Variants in PID1 observed in about 807,000 individuals in gnomAD.
PID1 encodes the protein phosphotyrosine interaction domain containing 1, also known as PTB-containing, cubilin and LRP1-interacting protein.
A neutral mutation model predicts 19.1 loss-of-function variants in PID1; 10 were observed. The ratio of observed to expected loss-of-function variants is 0.52; its 90% CI spans 0.32 to 0.89. PID1 has a LOEUF of 0.89. PID1 is among the 40% of genes least tolerant of loss of function. The probability of loss-of-function intolerance (pLI) is 0.03; values close to 1 mark genes in which losing one functional copy is unlikely to be tolerated. For synonymous variants in PID1, 130 were observed against 116.0 expected (o/e 1.12, Z -0.78); for missense variants, 248 against 285.3 (o/e 0.87, Z 0.94).
chr2:229,091,630 G>A (rs1478967582), intron 2 of PID1, among the ~76,000 whole-genome samples: 1 of 152,140 alleles, frequency 6.6e-6, no homozygotes, highest in African/African-American at 2.4e-5. Flanking sequence ...CAGGAAGCAG[G>A]CTCTCACCAG....
chr2:229,163,030 G>C (rs1188765353), intron 1 of PID1, among the ~76,000 whole-genome samples: 2 of 152,084 alleles, frequency 1.3e-5, no homozygotes, highest in Non-Finnish European at 2.9e-5. Context: ...TATGAAAGAA[G>C]AAAACTTTTA....
chr2:229,218,318 C>T (rs1220462105), intron 1 of PID1, among the ~76,000 whole-genome samples: 1 of 92,834 alleles, frequency 1.1e-5, no homozygotes, highest in Non-Finnish European at 2.2e-5. Flanking sequence ...AAAAAAAAAG[C>T]ATGACAACAA....
chr2:229,116,778 G>A (rs1158662374), intron 2 of PID1, among the ~76,000 whole-genome samples: 1 of 152,098 alleles, frequency 6.6e-6, no homozygotes, highest in Non-Finnish European at 1.5e-5. Context: ...AGTTGTATGA[G>A]AACAGACTAA....
chr2:229,113,396 T>TTATA (rs201928895), intron 2 of PID1, among the ~76,000 whole-genome samples: 7 of 142,254 alleles, frequency 4.9e-5, no homozygotes, highest in African/African-American at 1.9e-4. Context: ...TTATATATAT[T>TTATA]TATATATATA....
intron 1 of PID1, among the ~76,000 whole-genome samples, chr2:229,208,493 A>T (rs1390436708): frequency 1.3e-5 from 2 of 152,216 alleles, no homozygotes; most frequent in Non-Finnish European, 1.5e-5. Flanking sequence ...CAGAATAGGG[A>T]TTATGAAACA....
At chr2:229,069,143 T>TGTGTGTG (rs1553559154) in intron 2 of PID1, among the ~76,000 whole-genome samples, 26,255 of 140,300 alleles carry the variant, frequency 0.19, 2,776 homozygotes, top group Middle Eastern at 0.26. Context: ...AGAAGGGTTT[T>TGTGTGTG]TGTGTGTGTG....
intron 1 of PID1, among the ~76,000 whole-genome samples, chr2:229,202,746 G>A (rs1168601251): frequency 1.3e-5 from 2 of 152,018 alleles, no homozygotes; most frequent in African/African-American, 4.8e-5. Context: ...CTTTTTATAA[G>A]CTTGTAAGCG....
At chr2:229,202,637 T>TAA (rs1364570258) in intron 1 of PID1, among the ~76,000 whole-genome samples, 2 of 152,054 alleles carry the variant, frequency 1.3e-5, no homozygotes, top group Non-Finnish European at 1.5e-5. Context: ...TGCATATATA[T>TAA]AATATAAGCT....
At chr2:229,232,120 C>G in intron 1 of PID1, 1 of 1,469,692 alleles carries the variant, frequency 6.8e-7, no homozygotes, top group Admixed American at 2.7e-5. Context: ...GATGACTTAA[C>G]CACCTCTTAA....
chr2:229,211,246 T>A (rs934243554), intron 1 of PID1, among the ~76,000 whole-genome samples: 10 of 151,972 alleles, frequency 6.6e-5, no homozygotes, highest in African/African-American at 2.2e-4. Flanking sequence ...AAATTACAGT[T>A]AACACCTATT....
intron 1 of PID1, among the ~76,000 whole-genome samples, chr2:229,234,771 A>T (rs1220482968): frequency 6.6e-6 from 1 of 152,142 alleles, no homozygotes; most frequent in African/African-American, 2.4e-5. Context: ...TTAGGTAAGT[A>T]AGTAGTAGGT....
intron 2 of PID1, among the ~76,000 whole-genome samples, chr2:229,140,763 T>C (rs1336741197): frequency 1.3e-5 from 2 of 152,178 alleles, no homozygotes; most frequent in Non-Finnish European, 2.9e-5. Context: ...CCAACATTTC[T>C]ACTTTATATT....
intron 1 of PID1, among the ~76,000 whole-genome samples, chr2:229,260,481 T>C (rs1690431139): frequency 6.8e-6 from 1 of 146,742 alleles, no homozygotes; most frequent in Non-Finnish European, 1.5e-5. Flanking sequence ...TATATATATG[T>C]ATATATGTAT....
chr2:229,234,989 T>C (rs113949057), intron 1 of PID1, among the ~76,000 whole-genome samples: 8 of 152,348 alleles, frequency 5.3e-5, no homozygotes, highest in African/African-American at 1.2e-4. Context: ...ATGCTTTATT[T>C]TGAGTACTGA....
intron 2 of PID1, among the ~76,000 whole-genome samples, chr2:229,040,491 G>C (rs1693750821): frequency 6.6e-6 from 1 of 152,152 alleles, no homozygotes; most frequent in Non-Finnish European, 1.5e-5. Flanking sequence ...AAATAATGGG[G>C]ATGTGGGAAT....
At chr2:229,214,251 G>A (rs1691797817) in intron 1 of PID1, among the ~76,000 whole-genome samples, 1 of 147,384 alleles carries the variant, frequency 6.8e-6, no homozygotes, top group Non-Finnish European at 1.5e-5. Flanking sequence ...GCAAGTGGTA[G>A]AGCAAAGATC....
rs1274666801 is a variant in PID1, at chr2:229,224,363, G to GC, written c.30+46650dup. Among the ~76,000 whole-genome samples, 7 of 152,188 alleles carry GC rather than the reference G, an allele frequency of 4.6e-5. No individual in the cohort carries two copies. In the East Asian group the frequency reaches 1.2e-3, roughly 25 times the overall value. ...CAGAAGAAAAGAAAACTCTTTCTGA[G>GC]CCCCTACACTGCAACTGGTGTCCAG... On this transcript the variant is annotated intron_variant, in intron 1 of 2. Coordinates refer to ENST00000392055, the MANE Select transcript of PID1 (RefSeq NM_001100818.2).
intron 2 of PID1, among the ~76,000 whole-genome samples, chr2:229,137,654 G>C (rs143177120): frequency 1.1e-4 from 17 of 152,240 alleles, no homozygotes; most frequent in Non-Finnish European, 2.1e-4. Flanking sequence ...AATAAATAAA[G>C]TAACAATAAA....
In PID1 at chr2:229,043,434, G is replaced by A. The variant is rs949591179; in HGVS notation, c.178-17326C>T. Among the ~76,000 whole-genome samples, 5 of 152,186 alleles carry A rather than the reference G, an allele frequency of 3.3e-5. No individual in the cohort carries two copies. In the South Asian group the frequency reaches 1.0e-3, roughly 32 times the overall value. ...CTAGTTAAAGTCATTGCCAAGAAGTGTATTCTTAAGAGAAGAAAAAAAAAG... is the reference window on the plus strand; with the variant it reads ...CTAGTTAAAGTCATTGCCAAGAAGTATATTCTTAAGAGAAGAAAAAAAAAG... On this transcript the variant is annotated intron_variant, in intron 2 of 2. Transcript: ENST00000392055.
Sources: gnomAD v4.1 joint callset for allele counts (sites outside exome capture counted in the v4.1 genomes callset) on GRCh38, gnomAD v4.1.1 for gene constraint, MANE v1.5 for transcripts, NCBI Gene and HGNC (gene_info 2026-07-23, HGNC 2026-07-21) for gene names.